MLPH: variants seen among roughly 807,000 people sequenced by gnomAD.
The protein encoded by MLPH is melanophilin, also known as exophilin-3.
In MLPH, 51 loss-of-function variants were observed where a neutral mutation model predicts 72.1. The ratio of observed to expected loss-of-function variants is 0.71; its 90% CI spans 0.56 to 0.89. MLPH has a LOEUF of 0.89. Among genes scored for constraint, MLPH ranks in the 40% least tolerant of loss-of-function variants. The probability of loss-of-function intolerance (pLI) is 0.00; values close to 1 mark genes in which losing one functional copy is unlikely to be tolerated. For missense variants in MLPH, 743 were observed against 759.9 expected (o/e 0.98, Z 0.26); for synonymous variants, 301 against 310.1 (o/e 0.97, Z 0.31).
rs896815563 is a variant in MLPH at position 237,505,573 on chromosome 2, T to G, written c.111-5001T>G. Among the ~76,000 whole-genome samples the G allele has an allele frequency of 6.6e-6, 1 of 152,056 alleles. No homozygotes were observed. The highest frequency in any genetic ancestry group is 1.5e-5 in the Non-Finnish European group (1 of 68,008). On this transcript the variant is annotated intron_variant, in intron 2 of 15. Coordinates refer to ENST00000264605, the MANE Select transcript of MLPH (RefSeq NM_024101.7). This position sits in a 1 kb window ranked among gnomAD's most constrained non-coding sequence, Gnocchi z 4.5. ...GGCCACCAGCCCCGCCATCCTGGGC[T>G]CTCCCCAGTATTCCTGCATGTTGCC...
At position 237,541,586 on chromosome 2, in the gene MLPH, C is replaced by T. The variant is rs778622397; in HGVS notation, c.1446+629C>T. Among the ~76,000 whole-genome samples, 6 of 152,192 alleles carry T rather than the reference C, an allele frequency of 3.9e-5. No individual in the cohort carries two copies. Among genetic ancestry groups the T allele is most frequent in the Admixed American group, 1.3e-4 (2 of 15,286 alleles). ...TGTCACTCCCTAAGGACAAAGGGCA[C>T]GTCCCCTAGAGCTGTTCAAGGGGAG... On this transcript the variant is annotated intron_variant, in intron 11 of 15. Coordinates refer to ENST00000264605, the MANE Select transcript of MLPH (RefSeq NM_024101.7). This position sits in a 1 kb window ranked among gnomAD's most constrained non-coding sequence, Gnocchi z 5.1.
intron 2 of MLPH, among the ~76,000 whole-genome samples, chr2:237,500,317 C>T (rs565225541): frequency 7.2e-5 from 11 of 152,334 alleles, no homozygotes; most frequent in African/African-American, 2.6e-4. Context: ...TAGACCAGCA[C>T]TGCCTGATGG....
chr2:237,548,752 G>A (rs752925138), intron 13 of MLPH, among the ~76,000 whole-genome samples: 6 of 152,324 alleles, frequency 3.9e-5, no homozygotes, highest in African/African-American at 9.6e-5. Flanking sequence ...GGTGGCGGGC[G>A]CCTGTAGGCC....
chr2:237,510,981 C>A lies in MLPH; in HGVS notation c.333-8C>A. The A allele has an allele frequency of 6.2e-7, 1 of 1,612,190 alleles. No individual in the cohort carries two copies. The highest frequency in any genetic ancestry group is 1.1e-5 in the South Asian group (1 of 91,000). On this transcript the variant is annotated splice_region_variant and splice_polypyrimidine_tract_variant and intron_variant, in intron 3 of 15. Transcript: ENST00000264605. This position sits in a 1 kb window ranked among gnomAD's most constrained non-coding sequence, Gnocchi z 4.4. ...GGCAGTGCCATGAGCCTGTGCTTGT[C>A]CCTGCAGAGTCGTGAAGATCGGCTC...
intron 14 of MLPH, among the ~76,000 whole-genome samples, chr2:237,551,478 C>A (rs1180850711): frequency 7.2e-5 from 11 of 152,242 alleles, no homozygotes; most frequent in Non-Finnish European, 1.3e-4. Flanking sequence ...CTCTCAGGAG[C>A]CCTGACAACT....
At position 237,542,563 on chromosome 2, in the gene MLPH, G is replaced by A. The variant is rs753243317; in HGVS notation, c.1447-4G>A. The A allele has an allele frequency of 2.3e-5, 37 of 1,593,972 alleles. No homozygotes were observed. Among genetic ancestry groups the A allele is most frequent in the South Asian group, 6.8e-5 (6 of 87,996 alleles). The stretch of plus-strand genomic sequence containing the variant: ...CGGGCCTTCTGTCTGCTGTCCTCTC[G>A]CAGGTTTCAGACATTGAATCCAGGA... On this transcript the variant is annotated splice_region_variant and splice_polypyrimidine_tract_variant and intron_variant, in intron 11 of 15. Transcript: ENST00000264605.
At chr2:237,494,276 A>G (rs1242883310) in intron 2 of MLPH, among the ~76,000 whole-genome samples, 2 of 152,098 alleles carry the variant, frequency 1.3e-5, no homozygotes, top group African/African-American at 4.8e-5. Context: ...CAGAGAGTGG[A>G]GGGCAGAGGG....
chr2:237,540,717 G>C, intron 10 of MLPH, 85 bp from the exon 11 acceptor site: 1 of 1,563,750 alleles, frequency 6.4e-7, no homozygotes, highest in Non-Finnish European at 8.7e-7. Flanking sequence ...TCAGAGAGGA[G>C]AGCAATATCG....
chr2:237,540,976 G>T lies in MLPH; in HGVS notation c.1446+19G>T. 1 of 1,591,122 alleles carries T rather than the reference G, an allele frequency of 6.3e-7. No homozygotes were observed. The highest frequency in any genetic ancestry group is 1.1e-5 in the South Asian group (1 of 88,310). ...GAGCGAGGTAGCCCAGAAGGCACAG[G>T]GGAGCACTGAGTTCCACAAACACAG... On this transcript the variant is annotated intron_variant, in intron 11 of 15. Transcript: ENST00000264605.
rs2271809 is a variant in MLPH, at chr2:237,540,464, A to G, written c.1221A>G (p.Glu407=). The G allele has an allele frequency of 0.33, 526,240 of 1,612,888 alleles. 97,538 individuals carry two copies. Among genetic ancestry groups the G allele is most frequent in the African/African-American group, 0.82 (61,608 of 74,980 alleles). The stretch of plus-strand genomic sequence containing the variant: ...AGGAGACCTCGTCCGAGGAGGAGGA[A>G]GCCAAGGACGAAAAGGCAGAGCCCA... The part of the protein sequence containing the change: ...SDQETSSEEE[E]AKDEKAEPNR... Residue 407 remains glutamate, a synonymous_variant, in exon 10 of 16, where the codon GAA becomes GAG. Transcript: ENST00000264605.
intron 8 of MLPH, among the ~76,000 whole-genome samples, chr2:237,528,773 C>T (rs901482938): frequency 2.6e-5 from 4 of 152,162 alleles, no homozygotes; most frequent in Admixed American, 6.6e-5. Context: ...CCCTTGTCCC[C>T]GGCCTCTGAC....
chr2:237,511,220 ATGTG>A, intron 4 of MLPH, 119 bp downstream of exon 4: 4 of 777,274 alleles, frequency 5.1e-6, no homozygotes, highest in Non-Finnish European at 9.1e-6. Context: ...GTGTGTGCAC[ATGTG>A]TGTGCATGCA....
chr2:237,551,928 A>AG (rs2081048121), intron 14 of MLPH: 1 of 174,590 alleles, frequency 5.7e-6, no homozygotes, highest in African/African-American at 2.4e-5. Context: ...AGTTAAGCCA[A>AG]GATTGCGCCA....
In MLPH at chr2:237,541,696, T is replaced by C. The variant is rs1435717781; in HGVS notation, c.1446+739T>C. 6.6e-6 allele frequency among the ~76,000 whole-genome samples: 1 copy of C among 152,234 alleles called. No homozygotes were observed. The highest frequency in any genetic ancestry group is 1.5e-5 in the Non-Finnish European group (1 of 68,046). ...AATGCCTAGAATGTAGCCCACATTGTGTAGGCCACGGAAGATCTGGTGCAA... is the reference window on the plus strand; with the variant it reads ...AATGCCTAGAATGTAGCCCACATTGCGTAGGCCACGGAAGATCTGGTGCAA... On this transcript the variant is annotated intron_variant, in intron 11 of 15. Coordinates refer to ENST00000264605, the MANE Select transcript of MLPH (RefSeq NM_024101.7). This position sits in a 1 kb window ranked among gnomAD's most constrained non-coding sequence, Gnocchi z 5.1.
chr2:237,540,693 C>T, intron 10 of MLPH, 109 bp from the exon 11 acceptor site: 1 of 1,529,566 alleles, frequency 6.5e-7, no homozygotes, highest in Admixed American at 1.9e-5. Flanking sequence ...TCCTGACCAA[C>T]CAGCTCCCAG....
At chr2:237,523,715 G>T (rs1414608313) in intron 6 of MLPH, among the ~76,000 whole-genome samples, 1 of 152,160 alleles carries the variant, frequency 6.6e-6, no homozygotes, top group African/African-American at 2.4e-5. Context: ...GTTGTGATTA[G>T]CATATATAGG....
chr2:237,538,388 A>G (rs1025637709), intron 9 of MLPH, among the ~76,000 whole-genome samples: 27 of 152,188 alleles, frequency 1.8e-4, no homozygotes, highest in Non-Finnish European at 3.7e-4. Flanking sequence ...AGGCGACAGG[A>G]CGGATGGGTC....
At chr2:237,519,719 C>G (rs573269387) in intron 5 of MLPH, among the ~76,000 whole-genome samples, 191 bp from the exon 6 acceptor site, 2 of 152,316 alleles carry the variant, frequency 1.3e-5, no homozygotes, top group East Asian at 3.9e-4. Flanking sequence ...TGAGCACCAA[C>G]CAGTCCCCCA....
chr2:237,512,050 G>T lies in MLPH; in HGVS notation c.445+949G>T, dbSNP rs1215409492. 2.5e-4 allele frequency among the ~76,000 whole-genome samples: 38 copies of T among 152,200 alleles called. 1 individual carries two copies. The highest frequency in any genetic ancestry group is 1.5e-5 in the Non-Finnish European group (1 of 68,044). On this transcript the variant is annotated intron_variant, in intron 4 of 15. Transcript: ENST00000264605. The surrounding 1 kb of genome is among the most constrained non-coding windows in gnomAD (Gnocchi z 5.5). Reference sequence around the variant, plus strand: ...AGGTGTCTGGGGTCTCAGTGTCCTGGATGACTCCATCTGCAAGACCAAGGC... The same window carrying T: ...AGGTGTCTGGGGTCTCAGTGTCCTGTATGACTCCATCTGCAAGACCAAGGC...
Sources: gnomAD v4.1 joint callset for allele counts (sites outside exome capture counted in the v4.1 genomes callset) on GRCh38, gnomAD v4.1.1 for gene constraint, Gnocchi (gnomAD v3.1) non-coding constraint, MANE v1.5 for transcripts, NCBI Gene and HGNC (gene_info 2026-07-23, HGNC 2026-07-21) for gene names.